The following NLGN4X variants were observed in gnomAD, a reference collection of about 807,000 sequenced individuals.
NLGN4X encodes neuroligin 4 X-linked.
NLGN4X carries 3 observed loss-of-function variants against 40.3 expected under a neutral mutation model. The observed-to-expected ratio is 0.07, with a 90% confidence interval of 0.03 to 0.19. The LOEUF is 0.19. Ranked by LOEUF, NLGN4X falls within the 10% of genes least tolerant of loss-of-function variation. The pLI is 1.00. For synonymous variants in NLGN4X, 270 were observed against 306.8 expected, an observed-to-expected ratio of 0.88 and a Z score of 1.25; for missense variants, 382 against 708.3, an observed-to-expected ratio of 0.54 and a Z score of 5.23.
Position 5,892,788 on chromosome X carries a change from A to G in NLGN4X, c.*29T>C. 1.7e-6 allele frequency: 2 copies of G among 1,208,275 alleles called. No homozygotes were observed. The highest frequency in any genetic ancestry group is 3.5e-5 in the South Asian group (2 of 56,760). ...TTCTATGTTGCTGAGCGGGTAGGGC[A>G]GAGGGATAGGAAGGGAAATAGGGCA... On this transcript the variant is annotated 3_prime_UTR_variant, in exon 6 of 6. Transcript: ENST00000381095.
intron 3 of NLGN4X, among the ~76,000 whole-genome samples, chrX:5,949,496 G>T (rs1301062913): frequency 9.0e-6 from 1 of 111,335 alleles, no homozygotes; most frequent in Non-Finnish European, 1.9e-5. Context: ...CCCTCAAACT[G>T]CCCCAAATCA....
intron 3 of NLGN4X, among the ~76,000 whole-genome samples, chrX:5,983,230 G>A (rs1034474382): frequency 1.1e-4 from 12 of 111,985 alleles, no homozygotes; most frequent in African/African-American, 1.9e-4. Context: ...CTAGAATTTC[G>A]CTACCCATGG....
chrX:6,104,192 T>A (rs1044168025), intron 2 of NLGN4X, among the ~76,000 whole-genome samples: 3 of 112,445 alleles, frequency 2.7e-5, no homozygotes, highest in African/African-American at 9.7e-5. Context: ...ATTTACCTTC[T>A]ACTTAGTAAT....
intron 2 of NLGN4X, among the ~76,000 whole-genome samples, chrX:6,036,291 G>C (rs1352278291): frequency 9.0e-6 from 1 of 111,329 alleles, no homozygotes; most frequent in East Asian, 2.8e-4. Context: ...CTCCTGCTGA[G>C]ATTTCGATAG....
chrX:6,042,937 A>G (rs957797314), intron 2 of NLGN4X, among the ~76,000 whole-genome samples: 2 of 104,687 alleles, frequency 1.9e-5, no homozygotes, highest in Non-Finnish European at 3.9e-5. Flanking sequence ...ATAGCCAGAC[A>G]TGGTGTCACA....
intron 5 of NLGN4X, among the ~76,000 whole-genome samples, chrX:5,897,779 G>T (rs762839633): frequency 8.9e-6 from 1 of 111,848 alleles, no homozygotes; most frequent in Admixed American, 9.4e-5. Flanking sequence ...ATGCGTACTC[G>T]CTGACTCCGC....
intron 3 of NLGN4X, among the ~76,000 whole-genome samples, chrX:5,992,314 A>C (rs953232875): frequency 8.9e-6 from 1 of 112,264 alleles, no homozygotes; most frequent in Non-Finnish European, 1.9e-5. Flanking sequence ...CAATTTATAA[A>C]GAAAAGACGG....
chrX:5,907,398 G>A (rs774561320), intron 4 of NLGN4X, among the ~76,000 whole-genome samples: 2 of 111,588 alleles, frequency 1.8e-5, no homozygotes, highest in Non-Finnish European at 3.8e-5. Context: ...AGGGACAGCT[G>A]GGAATCCACT....
chrX:6,068,678 T>G (rs780464348), intron 2 of NLGN4X, among the ~76,000 whole-genome samples: 1 of 111,991 alleles, frequency 8.9e-6, no homozygotes, highest in East Asian at 2.8e-4. Context: ...TATAAAGGGT[T>G]TTGGGTCAGC....
intron 3 of NLGN4X, among the ~76,000 whole-genome samples, chrX:5,914,765 T>C (rs141341704): frequency 0.018 from 2,045 of 111,750 alleles, 49 homozygotes; most frequent in African/African-American, 0.061. Flanking sequence ...TCAGTGAGAA[T>C]AAACAGAATT....
intron 3 of NLGN4X, among the ~76,000 whole-genome samples, chrX:5,943,127 G>A (rs1357854882): frequency 9.0e-6 from 1 of 111,548 alleles, no homozygotes; most frequent in Non-Finnish European, 1.9e-5. Context: ...ACAAGAGGTA[G>A]AAAAGGAAGT....
chrX:6,197,427 A>ATTTTTTTTTT (rs72412595), intron 1 of NLGN4X, among the ~76,000 whole-genome samples: 1 of 79,471 alleles, frequency 1.3e-5, no homozygotes, highest in Non-Finnish European at 2.8e-5. Context: ...ATGCTCAGCT[A>ATTTTTTTTTT]TTTTTTTTTT....
chrX:5,972,816 G>A (rs983519933), intron 3 of NLGN4X, among the ~76,000 whole-genome samples: 3 of 110,295 alleles, frequency 2.7e-5, no homozygotes, highest in Middle Eastern at 9.2e-3. Context: ...CAAGAGTGCT[G>A]GGATTACAGG....
intron 2 of NLGN4X, among the ~76,000 whole-genome samples, chrX:6,140,822 C>T (rs1404092944): frequency 1.8e-5 from 2 of 109,560 alleles, no homozygotes; most frequent in Non-Finnish European, 3.8e-5. Context: ...AAGCAATCCA[C>T]CCACCTAGAC....
intron 1 of NLGN4X, among the ~76,000 whole-genome samples, chrX:6,213,682 G>A (rs1042661687): frequency 1.8e-5 from 2 of 112,149 alleles, no homozygotes; most frequent in African/African-American, 6.5e-5. Flanking sequence ...GATTAAAACA[G>A]GTTTGTATTT....
chrX:6,106,634 T>G (rs1037822483), intron 2 of NLGN4X, among the ~76,000 whole-genome samples: 10 of 112,229 alleles, frequency 8.9e-5, no homozygotes, highest in African/African-American at 3.2e-4. Flanking sequence ...TCATACTGTA[T>G]GTAGCCTTTT....
chrX:5,923,659 G>A (rs1388261376), intron 3 of NLGN4X, among the ~76,000 whole-genome samples: 2 of 111,685 alleles, frequency 1.8e-5, no homozygotes, highest in Non-Finnish European at 3.8e-5. Context: ...TCACTATCAT[G>A]AGAACAGCAC....
intron 1 of NLGN4X, among the ~76,000 whole-genome samples, chrX:6,167,347 C>G (rs2040520960): frequency 8.9e-6 from 1 of 111,942 alleles, no homozygotes; most frequent in African/African-American, 3.2e-5. Context: ...AGATCTTTCC[C>G]AAGACCAGGG....
intron 2 of NLGN4X, among the ~76,000 whole-genome samples, chrX:6,049,797 A>AT (rs201116881): frequency 0.06 from 6,541 of 109,154 alleles, 430 homozygotes; most frequent in African/African-American, 0.19. Context: ...TGCCAAGTAA[A>AT]TTTTTTAAAT....
Sources: gnomAD v4.1 joint callset for allele counts (sites outside exome capture counted in the v4.1 genomes callset) on GRCh38, gnomAD v4.1.1 for gene constraint, MANE v1.5 for transcripts, NCBI Gene and HGNC (gene_info 2026-07-23, HGNC 2026-07-21) for gene names.